DNM3: variants seen among roughly 807,000 people sequenced by gnomAD.
The protein encoded by DNM3 is dynamin-3.
In DNM3, 47 loss-of-function variants were observed where a neutral mutation model predicts 101.6. The ratio of observed to expected loss-of-function variants is 0.46; its 90% confidence interval spans 0.37 to 0.59. DNM3 has a LOEUF of 0.59. Among genes scored for constraint, DNM3 ranks in the 20% least tolerant of loss-of-function variants. The pLI is 0.00. For synonymous variants in DNM3, 385 were observed against 387.9 expected (o/e 0.99, Z 0.09); for missense variants, 849 against 1,085.7 (o/e 0.78, Z 3.06).
At chr1:172,181,940 G>C (rs1381212147) in intron 14 of DNM3, among the ~76,000 whole-genome samples, 1 of 151,860 alleles carries the variant, frequency 6.6e-6, no homozygotes, top group Non-Finnish European at 1.5e-5. Flanking sequence ...TAACTCATTA[G>C]GTGCTGATGA....
rs1450046621 is a variant in DNM3 at position 172,386,960 on chromosome 1, G to A, written c.2059-173G>A. On this transcript the variant is annotated intron_variant, in intron 18 of 20. Transcript: ENST00000627582. ...GGAAACTGTTACTGTCACCAGTACTGGGGATAGAGACAAAACAAAAGTAAA... is the reference window on the plus strand; with the variant it reads ...GGAAACTGTTACTGTCACCAGTACTAGGGATAGAGACAAAACAAAAGTAAA... 11 of 580,568 alleles carry A rather than the reference G, an allele frequency of 1.9e-5. No homozygotes were observed. The African/African-American group carries it at 2.1e-4, about 11-fold the overall frequency. The allele number at this position is 580,568 out of a possible 1,614,324, so 36.0% of individuals were successfully genotyped here. A position where few individuals can be genotyped will look rare whatever the true frequency, so the allele number is the denominator to read the frequency against.
intron 1 of DNM3, among the ~76,000 whole-genome samples, chr1:171,890,350 A>G (rs983158263): frequency 6.6e-6 from 1 of 152,218 alleles, no homozygotes; most frequent in African/African-American, 2.4e-5. Flanking sequence ...CTGGCCAAGC[A>G]GAAAAACCAA....
At chr1:172,247,672 T>C (rs1347522158) in intron 14 of DNM3, among the ~76,000 whole-genome samples, 3 of 150,642 alleles carry the variant, frequency 2.0e-5, no homozygotes, top group African/African-American at 4.9e-5. Context: ...TATTTATTTA[T>C]TTATTTATTT....
intron 1 of DNM3, among the ~76,000 whole-genome samples, chr1:171,875,055 T>C (rs2035636193): frequency 6.6e-6 from 1 of 152,170 alleles, no homozygotes; most frequent in African/African-American, 2.4e-5. Context: ...ATGTTTTCTT[T>C]ATCCAATTTA....
chr1:172,096,499 A>G (rs770601286), intron 13 of DNM3, among the ~76,000 whole-genome samples: 19 of 152,226 alleles, frequency 1.2e-4, no homozygotes, highest in Non-Finnish European at 2.4e-4. Context: ...TTAAGTAGGA[A>G]GAATCCAAAA....
intron 4 of DNM3, among the ~76,000 whole-genome samples, chr1:172,023,886 T>C (rs2048016351): frequency 6.6e-6 from 1 of 151,524 alleles, no homozygotes; most frequent in African/African-American, 2.4e-5. Flanking sequence ...TTTTTTTCTT[T>C]CATTTTCTGG....
chr1:172,048,785 C>G (rs2049995687), intron 10 of DNM3, 35 bp downstream of exon 10: 2 of 1,601,908 alleles, frequency 1.2e-6, no homozygotes, highest in Admixed American at 1.7e-5. Flanking sequence ...CAGTACGTGG[C>G]TTTGGTTTAT....
chr1:172,393,652 A>C (rs1558084613), intron 20 of DNM3: 1 of 152,664 alleles, frequency 6.6e-6, no homozygotes, highest in Non-Finnish European at 1.5e-5. Context: ...CAAATGAGGA[A>C]CTCATCTTGT....
chr1:172,408,583 A>G lies in DNM3; in HGVS notation c.*742A>G, dbSNP rs972269202. The G allele has an allele frequency of 2.0e-6, 2 of 985,032 alleles. No individual in the cohort carries two copies. The highest frequency in any genetic ancestry group is 2.4e-6 in the Non-Finnish European group (2 of 829,684). 61.0% of individuals were successfully genotyped at this position (985,032 alleles called of 1,614,324 possible). A position where few individuals can be genotyped will look rare whatever the true frequency, so the allele number is the denominator to read the frequency against. ...TCAGAGTTCAAGGAAGAAGCAAAAT[A>G]TCACATCTCTAGAAGTGTTGGGAAA... On this transcript the variant is annotated 3_prime_UTR_variant, in exon 21 of 21. Transcript: ENST00000627582.
At chr1:172,095,843 T>C (rs1385853112) in intron 13 of DNM3, among the ~76,000 whole-genome samples, 1 of 152,230 alleles carries the variant, frequency 6.6e-6, no homozygotes, top group Non-Finnish European at 1.5e-5. Context: ...CAAGTTGATG[T>C]CAGCAAATGT....
intron 10 of DNM3, among the ~76,000 whole-genome samples, chr1:172,063,936 T>G (rs2051451087): frequency 6.6e-6 from 1 of 152,178 alleles, no homozygotes; most frequent in South Asian, 2.1e-4. Flanking sequence ...TTTATGCATT[T>G]ATTTCTTCAT....
At chr1:172,231,730 A>T (rs1056596194) in intron 14 of DNM3, among the ~76,000 whole-genome samples, 1 of 152,240 alleles carries the variant, frequency 6.6e-6, no homozygotes, top group African/African-American at 2.4e-5. Flanking sequence ...AGAATAACCA[A>T]TGCAGAGAAG....
rs577651588 is a variant in DNM3 at position 171,867,558 on chromosome 1, G to T, written c.161+25741G>T. Reference sequence around the variant, plus strand: ...TATTAACTCTATGCTAAGGTTAGAGGCACCCAAACTGGTTTTTGTATATTT... The same window carrying T: ...TATTAACTCTATGCTAAGGTTAGAGTCACCCAAACTGGTTTTTGTATATTT... On this transcript the variant is annotated intron_variant, in intron 1 of 20. Coordinates refer to ENST00000627582, the MANE Select transcript of DNM3 (RefSeq NM_015569.5). Among the ~76,000 whole-genome samples, 7 of 152,256 alleles carry T rather than the reference G, an allele frequency of 4.6e-5. No individual in the cohort carries two copies. The South Asian group carries it at 1.5e-3, about 32-fold the overall frequency.
chr1:172,313,219 A>G (rs867100301), intron 16 of DNM3, among the ~76,000 whole-genome samples: 9 of 152,272 alleles, frequency 5.9e-5, no homozygotes, highest in Admixed American at 1.3e-4. Context: ...TCCAGTTTCA[A>G]AGTAAAGATG....
At chr1:172,000,174 AG>A (rs1195020667) in intron 4 of DNM3, among the ~76,000 whole-genome samples, 2 of 152,078 alleles carry the variant, frequency 1.3e-5, no homozygotes, top group Non-Finnish European at 2.9e-5. Flanking sequence ...AGTGGTGAAT[AG>A]GAGGGAAAAT....
intron 2 of DNM3, among the ~76,000 whole-genome samples, chr1:171,934,649 G>A (rs1381239305): frequency 6.6e-6 from 1 of 152,204 alleles, no homozygotes; most frequent in Admixed American, 6.5e-5. Flanking sequence ...TGTGGTAAGA[G>A]CTTAGGCAAG....
intron 14 of DNM3, chr1:172,142,108 A>C (rs959923319): frequency 1.3e-5 from 2 of 152,094 alleles, no homozygotes; most frequent in Non-Finnish European, 2.9e-5. Context: ...CTTCATGACC[A>C]CATATAATGT....
chr1:172,417,969 T>C (rs2071490362), intron 20 of DNM3, among the ~76,000 whole-genome samples: 1 of 152,218 alleles, frequency 6.6e-6, no homozygotes, highest in Non-Finnish European at 1.5e-5. Context: ...CCAGTTCTCC[T>C]GAATAAGAGT....
Position 171,982,395 on chromosome 1 carries a change from A to C in DNM3, c.236-5261A>C, listed in dbSNP as rs559507264. On this transcript the variant is annotated intron_variant, in intron 2 of 20. Coordinates refer to ENST00000627582, the MANE Select transcript of DNM3 (RefSeq NM_015569.5). ...TCTATGAGTCTCTGGAGCTAGGTAG[A>C]AGACAGATTACAGGTAGCCCTTTCC... Among the ~76,000 whole-genome samples, 31 of 152,302 alleles carry C rather than the reference A, an allele frequency of 2.0e-4. No homozygotes were observed. The South Asian group carries it at 6.4e-3, about 32-fold the overall frequency.
Sources: gnomAD v4.1 joint callset for allele counts (sites outside exome capture counted in the v4.1 genomes callset) on GRCh38, gnomAD v4.1.1 for gene constraint, MANE v1.5 for transcripts, NCBI Gene and HGNC (gene_info 2026-07-23, HGNC 2026-07-21) for gene names.